Variants in PFDN1 observed in about 807,000 individuals in gnomAD.
The protein encoded by PFDN1 is prefoldin subunit 1, also known as prefoldin 1.
Under a neutral mutation model 17.3 loss-of-function variants are expected in PFDN1, and 6 were observed. The observed-to-expected ratio is 0.35, with a 90% CI of 0.19 to 0.69. PFDN1 has a LOEUF of 0.69. PFDN1 is among the 30% of genes least tolerant of loss of function. PFDN1 has a pLI of 0.65. For synonymous variants in PFDN1, 58 were observed against 50.1 expected, an observed-to-expected ratio of 1.16 and a Z score of -0.67; for missense variants, 113 against 146.2, an observed-to-expected ratio of 0.77 and a Z score of 1.17.
chr5:140,257,240 G>T (rs1304722141), intron 3 of PFDN1, among the ~76,000 whole-genome samples: 1 of 140,896 alleles, frequency 7.1e-6, no homozygotes. Flanking sequence ...AAAAAAAAAA[G>T]CCTCTAATGG....
intron 3 of PFDN1, among the ~76,000 whole-genome samples, chr5:140,260,304 GAA>G (rs1457193568): frequency 6.6e-6 from 1 of 152,150 alleles, no homozygotes; most frequent in East Asian, 1.9e-4. Flanking sequence ...AGCTGCTACA[GAA>G]AAGTTTGGCA....
At chr5:140,259,060 C>A (rs1365155540) in intron 3 of PFDN1, among the ~76,000 whole-genome samples, 2 of 152,054 alleles carry the variant, frequency 1.3e-5, no homozygotes, top group African/African-American at 4.8e-5. Context: ...AAATGTGTGT[C>A]ATAGAAACCA....
chr5:140,278,941 G>C (rs1379520922), intron 3 of PFDN1, among the ~76,000 whole-genome samples: 2 of 152,144 alleles, frequency 1.3e-5, no homozygotes, highest in East Asian at 3.8e-4. Context: ...ACTGTTAAAA[G>C]CACAGATTAG....
chr5:140,300,988 G>C (rs1383274272), intron 1 of PFDN1, among the ~76,000 whole-genome samples: 1 of 151,960 alleles, frequency 6.6e-6, no homozygotes, highest in Admixed American at 6.6e-5. Context: ...TATTAACATG[G>C]GAATATTAAT....
intron 2 of PFDN1, among the ~76,000 whole-genome samples, chr5:140,290,105 T>C (rs1348703293): frequency 1.3e-5 from 2 of 152,188 alleles, no homozygotes; most frequent in Non-Finnish European, 2.9e-5. Flanking sequence ...CCCATATCCA[T>C]TTCCTTTTCT....
At chr5:140,247,317 GA>G (rs1336629866) in intron 3 of PFDN1, among the ~76,000 whole-genome samples, 3 of 150,118 alleles carry the variant, frequency 2.0e-5, no homozygotes, top group African/African-American at 7.4e-5. Context: ...GTAGAAATGA[GA>G]AACTTCAATT....
rs771977717 is a variant in PFDN1 at position 140,303,060 on chromosome 5, AC to A, written c.13del (p.Val5TrpfsTer3). On this transcript the variant is annotated frameshift_variant, in exon 1 of 4. Transcript: ENST00000261813. LOFTEE classifies it high-confidence loss of function. The part of the protein sequence containing the change: MAAP[V>X]DLELKKAFTE... ...TTTTACCTTCTTCAGCTCTAGATCC[AC>A]GGGGGCGGCCATCTTGGTGCACTGT... 3 of 1,612,840 alleles carry A rather than the reference AC, an allele frequency of 1.9e-6. No homozygotes were observed. In the African/African-American group the frequency reaches 4.0e-5, roughly 22 times the overall value.
At chr5:140,288,636 G>A (rs1581096785) in intron 2 of PFDN1, among the ~76,000 whole-genome samples, 1 of 152,178 alleles carries the variant, frequency 6.6e-6, no homozygotes, top group Admixed American at 6.5e-5. Flanking sequence ...AAGGGAGTGA[G>A]AGCTTGCTGT....
Position 140,245,294 on chromosome 5 carries a change from C to G in PFDN1, c.*680G>C. ...TCTTATGATATTGGCCAAAAGGAGA[C>G]AGTCTTGGAGGTGCTGCTTACTGTT... On this transcript the variant is annotated 3_prime_UTR_variant, in exon 4 of 4. Coordinates refer to ENST00000261813, the MANE Select transcript of PFDN1 (RefSeq NM_002622.5). The G allele has an allele frequency of 1.7e-6, 1 of 578,002 alleles. No individual in the cohort carries two copies. The highest frequency in any genetic ancestry group is 2.9e-5 in the Admixed American group (1 of 34,164). 35.8% of individuals were successfully genotyped at this position (578,002 alleles called of 1,614,324 possible).
chr5:140,280,533 G>A (rs1243914490), intron 3 of PFDN1, among the ~76,000 whole-genome samples: 1 of 152,130 alleles, frequency 6.6e-6, no homozygotes, highest in Non-Finnish European at 1.5e-5. Context: ...ATAAGCCTAA[G>A]TAACCTAAGA....
At chr5:140,289,317 G>C (rs1765546064) in intron 2 of PFDN1, among the ~76,000 whole-genome samples, 2 of 150,230 alleles carry the variant, frequency 1.3e-5, no homozygotes, top group African/African-American at 4.9e-5. Flanking sequence ...AATGGTCAAA[G>C]CAGAATTATT....
chr5:140,245,424 C>T lies in PFDN1; in HGVS notation c.*550G>A, dbSNP rs1764814539. On this transcript the variant is annotated 3_prime_UTR_variant, in exon 4 of 4. Coordinates refer to ENST00000261813, the MANE Select transcript of PFDN1 (RefSeq NM_002622.5). Reference sequence around the variant, plus strand: ...TTCACTGAGATTCAGCTGTGAACATCTGTTCTTTCTTCCTCTTCTGTCTAC... The same window carrying T: ...TTCACTGAGATTCAGCTGTGAACATTTGTTCTTTCTTCCTCTTCTGTCTAC... 1.4e-6 allele frequency: 1 copy of T among 702,382 alleles called. No individual in the cohort carries two copies. Among genetic ancestry groups the T allele is most frequent in the South Asian group, 1.5e-5 (1 of 67,564 alleles). 43.5% of individuals were successfully genotyped at this position (702,382 alleles called of 1,614,324 possible). A position where few individuals can be genotyped will look rare whatever the true frequency, so the allele number is the denominator to read the frequency against.
intron 3 of PFDN1, among the ~76,000 whole-genome samples, chr5:140,264,919 A>C (rs1480901135): frequency 6.6e-6 from 1 of 152,212 alleles, no homozygotes; most frequent in Non-Finnish European, 1.5e-5. Context: ...GTGAGTATAT[A>C]TAGGGAACAG....
chr5:140,286,016 T>C (rs1445036293), intron 2 of PFDN1, among the ~76,000 whole-genome samples: 2 of 151,614 alleles, frequency 1.3e-5, no homozygotes, highest in East Asian at 3.9e-4. Context: ...ACTAATTAAA[T>C]AAAAAACCAA....
chr5:140,247,392 G>A (rs1042110313), intron 3 of PFDN1, among the ~76,000 whole-genome samples: 4 of 151,152 alleles, frequency 2.6e-5, no homozygotes, highest in Non-Finnish European at 5.9e-5. Flanking sequence ...CTCCCTCCTC[G>A]GTCTCCCAAA....
At chr5:140,248,518 C>T (rs1581079426) in intron 3 of PFDN1, among the ~76,000 whole-genome samples, 1 of 152,174 alleles carries the variant, frequency 6.6e-6, no homozygotes, top group African/African-American at 2.4e-5. Context: ...CCCTGTGGAC[C>T]CCATGTGAAT....
At chr5:140,246,113 A>G (rs901351547) in intron 3 of PFDN1, 56 bp from the exon 4 acceptor site, 40 of 1,055,124 alleles carry the variant, frequency 3.8e-5, no homozygotes, top group Non-Finnish European at 5.2e-5. Flanking sequence ...CCGGGCTGGA[A>G]GACACAGCTT....
chr5:140,302,550 A>G (rs1198937464), intron 1 of PFDN1, among the ~76,000 whole-genome samples: 3 of 152,202 alleles, frequency 2.0e-5, no homozygotes, highest in East Asian at 3.8e-4. Context: ...CATTGCTGCT[A>G]CAATGCTTGG....
intron 3 of PFDN1, among the ~76,000 whole-genome samples, chr5:140,275,231 AC>A (rs1394294130): frequency 6.6e-6 from 1 of 151,778 alleles, no homozygotes; most frequent in African/African-American, 2.4e-5. Context: ...ACACGGTGAA[AC>A]CCTGTCTCAC....
Sources: gnomAD v4.1 joint callset for allele counts (sites outside exome capture counted in the v4.1 genomes callset) on GRCh38, gnomAD v4.1.1 for gene constraint, MANE v1.5 for transcripts, NCBI Gene and HGNC (gene_info 2026-07-23, HGNC 2026-07-21) for gene names.